Variants in AUTS2 observed in about 807,000 individuals in gnomAD.
AUTS2 encodes activator of transcription and developmental regulator AUTS2, also known as autism susceptibility gene 2 protein.
A neutral mutation model predicts 112.4 loss-of-function variants in AUTS2; 17 were observed. The ratio of observed to expected loss-of-function variants is 0.15; its 90% confidence interval spans 0.10 to 0.23. The LOEUF (loss-of-function observed/expected upper bound fraction) is 0.23. Ranked by LOEUF, AUTS2 falls within the 10% of genes least tolerant of loss-of-function variation. The pLI is 1.00. For synonymous variants in AUTS2, 751 were observed against 702.7 expected (o/e 1.07, Z -1.09); for missense variants, 1,510 against 1,701.6 (o/e 0.89, Z 1.98).
At chr7:70,164,123 A>G (rs1489804107) in intron 4 of AUTS2, among the ~76,000 whole-genome samples, 2 of 152,166 alleles carry the variant, frequency 1.3e-5, no homozygotes, top group East Asian at 3.9e-4. Context: ...AAAATAAAAT[A>G]AACTTTCATT....
At chr7:69,765,815 C>T (rs1347294342) in intron 1 of AUTS2, among the ~76,000 whole-genome samples, 1 of 152,042 alleles carries the variant, frequency 6.6e-6, no homozygotes, top group African/African-American at 2.4e-5. Context: ...GGCATGGTGG[C>T]ACGTGCCTGT....
chr7:70,694,525 T>TC lies in AUTS2; in HGVS notation c.691-4041dup, dbSNP rs1340683914. On this transcript the variant is annotated intron_variant, in intron 5 of 18. Transcript: ENST00000342771. This position sits in a 1 kb window ranked among gnomAD's most constrained non-coding sequence, Gnocchi z 4.1. ...CCTCCTCCTCCCTCTCCCTCCTCCC[T>TC]CCCTCCGCACATGGTCTCCTTTGTC... is the stretch of plus-strand genomic sequence containing the variant. The TC allele has an allele frequency of 6.8e-6, 1 of 146,312 alleles. No homozygotes were observed. Among genetic ancestry groups the TC allele is most frequent in the East Asian group, 2.1e-4 (1 of 4,840 alleles). The allele number at this position is 146,312 out of a possible 1,614,324, so 9.1% of individuals were successfully genotyped here. A position where few individuals can be genotyped will look rare whatever the true frequency, so the allele number is the denominator to read the frequency against.
chr7:70,322,691 A>G (rs1790309427), intron 4 of AUTS2, among the ~76,000 whole-genome samples: 1 of 152,230 alleles, frequency 6.6e-6, no homozygotes, highest in African/African-American at 2.4e-5. Context: ...TAAGAGGACC[A>G]AACCAAAGAA....
intron 1 of AUTS2, among the ~76,000 whole-genome samples, chr7:69,698,513 C>A (rs1427730008): frequency 6.6e-6 from 1 of 152,096 alleles, no homozygotes; most frequent in Non-Finnish European, 1.5e-5. Context: ...ATCTGTGAGC[C>A]TGGGGGTTCC....
intron 3 of AUTS2, among the ~76,000 whole-genome samples, chr7:70,126,616 C>T (rs1483610603): frequency 6.6e-6 from 1 of 152,112 alleles, no homozygotes; most frequent in African/African-American, 2.4e-5. Context: ...GAGTTATTCA[C>T]AGGGAAAATA....
At chr7:69,614,368 T>TTTTCTTTCTTTTCTTTCTTTTC (rs1793239736) in intron 1 of AUTS2, among the ~76,000 whole-genome samples, 3 of 19,530 alleles carry the variant, frequency 1.5e-4, no homozygotes, top group Non-Finnish European at 2.2e-4. Flanking sequence ...TTCTTTCTTT[T>TTTTCTTTCTTTTCTTTCTTTTC]TTTAAGAGAT....
chr7:69,965,173 G>T (rs1301507420), intron 2 of AUTS2, among the ~76,000 whole-genome samples: 1 of 152,066 alleles, frequency 6.6e-6, no homozygotes, highest in Admixed American at 6.6e-5. Context: ...TATCCTTTTG[G>T]TGATAGTTCC....
intron 5 of AUTS2, chr7:70,437,099 T>G (rs966353567): frequency 6.6e-6 from 1 of 152,120 alleles, no homozygotes; most frequent in Non-Finnish European, 1.5e-5. Context: ...TCCATGTCAT[T>G]TTAAACAAAG....
intron 9 of AUTS2, 95 bp from the exon 10 acceptor site, chr7:70,767,929 C>A: frequency 8.1e-7 from 1 of 1,232,448 alleles, no homozygotes; most frequent in African/African-American, 1.5e-5. Flanking sequence ...CTCATGACAG[C>A]TTAATGACAG....
At chr7:69,821,478 G>A (rs1790988504) in intron 1 of AUTS2, among the ~76,000 whole-genome samples, 1 of 152,086 alleles carries the variant, frequency 6.6e-6, no homozygotes, top group Admixed American at 6.5e-5. Context: ...GGGAATAAAA[G>A]CTGGCTACCC....
intron 4 of AUTS2, among the ~76,000 whole-genome samples, chr7:70,281,004 G>C (rs559199957): frequency 6.6e-6 from 1 of 151,938 alleles, no homozygotes; most frequent in African/African-American, 2.4e-5. Flanking sequence ...CCATATCCAC[G>C]TTCTTATTTT....
chr7:70,731,731 CT>C lies in AUTS2; in HGVS notation c.743-31136del, dbSNP rs530239768. On this transcript the variant is annotated intron_variant, in intron 6 of 18. Transcript: ENST00000342771. ...GGCATGAGCCACCGCGCCCAGTCTC[CT>C]TTACCCAGATCTAACTCTTAATTTG... 2.7e-3 allele frequency among the ~76,000 whole-genome samples: 386 copies of C among 145,356 alleles called. 6 individuals carry two copies. Among genetic ancestry groups the C allele is most frequent in the Non-Finnish European group, 2.1e-3 (142 of 66,256 alleles).
chr7:69,693,455 T>G (rs1417106871), intron 1 of AUTS2, among the ~76,000 whole-genome samples: 1 of 152,252 alleles, frequency 6.6e-6, no homozygotes, highest in African/African-American at 2.4e-5. Context: ...TAGCAAAGGC[T>G]TTAGAAAACT....
intron 5 of AUTS2, among the ~76,000 whole-genome samples, chr7:70,605,094 C>G (rs990336449): frequency 6.6e-6 from 1 of 152,184 alleles, no homozygotes; most frequent in Non-Finnish European, 1.5e-5. Context: ...AAGGGTTCCT[C>G]CTGCTCTATG....
intron 1 of AUTS2, among the ~76,000 whole-genome samples, chr7:69,666,792 G>C (rs961505576): frequency 6.6e-6 from 1 of 151,998 alleles, no homozygotes; most frequent in Non-Finnish European, 1.5e-5. Flanking sequence ...GTCATAGCTA[G>C]TCGGGAGGCT....
At chr7:70,786,140 G>A (rs1791458848) in intron 17 of AUTS2, 102 bp downstream of exon 17, 1 of 1,000,496 alleles carries the variant, frequency 1.0e-6, no homozygotes, top group Non-Finnish European at 1.5e-6. Context: ...TATGCTCTGG[G>A]GGGACCAGTG....
intron 4 of AUTS2, among the ~76,000 whole-genome samples, chr7:70,228,351 A>G (rs7808540): frequency 0.31 from 46,434 of 151,014 alleles, 7,338 homozygotes; most frequent in Middle Eastern, 0.38. Flanking sequence ...AAAGCATATC[A>G]TTGGGTCTCT....
Position 69,926,302 on chromosome 7 carries a change from G to A in AUTS2, c.522+26804G>A, listed in dbSNP as rs148957379. 8.2e-3 allele frequency among the ~76,000 whole-genome samples: 1,251 copies of A among 152,236 alleles called. 8 individuals are homozygous for A. The highest frequency in any genetic ancestry group is 0.013 in the Non-Finnish European group (890 of 68,008). On this transcript the variant is annotated intron_variant, in intron 2 of 18. Transcript: ENST00000342771. ...TTTGTTTCTTTGTTCCTATTGTCCT[G>A]TGCTATTTTGAGGCTTTGTTATTTG...
chr7:69,860,287 C>G (rs1463325901), intron 1 of AUTS2, among the ~76,000 whole-genome samples: 1 of 151,970 alleles, frequency 6.6e-6, no homozygotes, highest in African/African-American at 2.4e-5. Flanking sequence ...GGTTCTTTCT[C>G]TACACCATGG....
Sources: allele counts gnomAD v4.1 joint callset (sites outside exome capture counted in the v4.1 genomes callset), GRCh38; gene constraint gnomAD v4.1.1; non-coding constraint Gnocchi (gnomAD v3.1); transcripts MANE v1.5; gene names NCBI Gene and HGNC (gene_info 2026-07-23, HGNC 2026-07-21).